The following TPX2 variants were observed in gnomAD, a reference collection of about 807,000 sequenced individuals.
The protein encoded by TPX2 is TPX2 microtubule nucleation factor, also known as targeting protein for Xklp2.
TPX2 carries 21 observed loss-of-function variants against 93.6 expected under a neutral mutation model. The ratio of observed to expected loss-of-function variants is 0.22; its 90% CI spans 0.16 to 0.32. TPX2 has a LOEUF of 0.32. TPX2 is among the 10% of genes least tolerant of loss of function. The pLI, the probability that TPX2 is intolerant of heterozygous loss-of-function variation, is 1.00. For missense variants in TPX2, 776 were observed against 871.1 expected, an observed-to-expected ratio of 0.89 and a Z score of 1.37; for synonymous variants, 281 against 298.3, an observed-to-expected ratio of 0.94 and a Z score of 0.60.
chr20:31,786,264 T>C (rs573674481), intron 12 of TPX2, among the ~76,000 whole-genome samples: 1 of 151,944 alleles, frequency 6.6e-6, no homozygotes, highest in Non-Finnish European at 1.5e-5. Flanking sequence ...GGGTCCATGC[T>C]GTTATATAAA....
chr20:31,758,669 G>A (rs561589578), intron 3 of TPX2, among the ~76,000 whole-genome samples: 1 of 152,268 alleles, frequency 6.6e-6, no homozygotes, highest in African/African-American at 2.4e-5. Context: ...TCCGTATAGT[G>A]CACTGTCCAA....
At chr20:31,769,523 A>T (rs1287347040) in intron 5 of TPX2, among the ~76,000 whole-genome samples, 1 of 151,708 alleles carries the variant, frequency 6.6e-6, no homozygotes, top group Admixed American at 6.6e-5. Context: ...ACGGGGTTTC[A>T]CCATGTTATC....
intron 10 of TPX2, among the ~76,000 whole-genome samples, chr20:31,780,297 C>A (rs2062025373): frequency 6.6e-6 from 1 of 152,242 alleles, no homozygotes; most frequent in East Asian, 1.9e-4. Context: ...AGTGATCCGC[C>A]CGCCTCAACC....
At chr20:31,755,162 A>T (rs2061843803) in intron 2 of TPX2, among the ~76,000 whole-genome samples, 1 of 151,972 alleles carries the variant, frequency 6.6e-6, no homozygotes, top group South Asian at 2.1e-4. Context: ...TTTAGCCATG[A>T]TGGTTTTGAT....
intron 6 of TPX2, among the ~76,000 whole-genome samples, chr20:31,770,687 T>A (rs528437293): frequency 6.6e-6 from 1 of 152,336 alleles, no homozygotes; most frequent in East Asian, 1.9e-4. Context: ...GGCACTCACA[T>A]CTTAGTTGGC....
At chr20:31,760,366 C>G (rs1354610999) in intron 4 of TPX2, among the ~76,000 whole-genome samples, 187 bp downstream of exon 4, 2 of 151,696 alleles carry the variant, frequency 1.3e-5, no homozygotes, top group Non-Finnish European at 2.9e-5. Context: ...TCTCTTGGAG[C>G]TTAAGCTAAC....
intron 4 of TPX2, among the ~76,000 whole-genome samples, chr20:31,763,399 C>T (rs935114924): frequency 1.1e-4 from 16 of 152,012 alleles, no homozygotes; most frequent in East Asian, 5.8e-4. Context: ...AGGCTGGTCT[C>T]GAACTCCTGA....
At chr20:31,796,187 A>G (rs1249471455) in intron 15 of TPX2, among the ~76,000 whole-genome samples, 1 of 152,192 alleles carries the variant, frequency 6.6e-6, no homozygotes, top group East Asian at 1.9e-4. Context: ...ATTTTCATGA[A>G]CCCATCACCT....
At chr20:31,800,935 A>C in intron 17 of TPX2, 35 bp from the exon 18 acceptor site, 1 of 1,503,088 alleles carries the variant, frequency 6.7e-7, no homozygotes, top group Non-Finnish European at 9.3e-7. Flanking sequence ...GTTCTCTGAC[A>C]TCCCTCTCAC....
At chr20:31,757,260 C>G (rs1444312357) in intron 2 of TPX2, 147 bp from the exon 3 acceptor site, 1 of 512,256 alleles carries the variant, frequency 2.0e-6, no homozygotes, top group Non-Finnish European at 3.5e-6. Flanking sequence ...TTTAAGTTAC[C>G]TGAAAAACTA....
chr20:31,750,182 A>T (rs2061810163), intron 2 of TPX2, among the ~76,000 whole-genome samples: 1 of 144,360 alleles, frequency 6.9e-6, no homozygotes, highest in South Asian at 2.2e-4. Context: ...TTTGAGACGG[A>T]GTTTCGCTCT....
At chr20:31,791,170 T>C (rs1339332717) in intron 12 of TPX2, among the ~76,000 whole-genome samples, 1 of 152,092 alleles carries the variant, frequency 6.6e-6, no homozygotes, top group Non-Finnish European at 1.5e-5. Context: ...TTAATGCTAC[T>C]ACTAAGGAGG....
At chr20:31,759,367 A>ACAGTTTT in intron 3 of TPX2, among the ~76,000 whole-genome samples, 1 of 147,538 alleles carries the variant, frequency 6.8e-6, no homozygotes, top group Non-Finnish European at 1.5e-5. Context: ...TGTAAGCCCT[A>ACAGTTTT]CAGTTTTTGA....
intron 7 of TPX2, 72 bp from the exon 8 acceptor site, chr20:31,775,795 C>A (rs2061992552): frequency 5.2e-6 from 7 of 1,355,496 alleles, no homozygotes; most frequent in Non-Finnish European, 6.7e-6. Context: ...TTATATAATG[C>A]CTGTAGATTC....
At chr20:31,778,045 G>A (rs1381970970) in intron 9 of TPX2, among the ~76,000 whole-genome samples, 1 of 152,124 alleles carries the variant, frequency 6.6e-6, no homozygotes, top group Admixed American at 6.6e-5. Context: ...AAAGTGCTGG[G>A]ATTACAAGTG....
chr20:31,760,314 T>C, intron 4 of TPX2, 135 bp downstream of exon 4: 1 of 1,176,438 alleles, frequency 8.5e-7, no homozygotes, highest in Non-Finnish European at 1.2e-6. Flanking sequence ...ATTCATTTCA[T>C]GATAAATGTA....
intron 16 of TPX2, among the ~76,000 whole-genome samples, chr20:31,797,752 T>C (rs923216702): frequency 2.6e-5 from 4 of 152,192 alleles, no homozygotes; most frequent in African/African-American, 9.7e-5. Context: ...CAGAAGCAGC[T>C]GGCATTTCAA....
chr20:31,798,649 A>G, intron 17 of TPX2, 97 bp downstream of exon 17: 4 of 1,390,808 alleles, frequency 2.9e-6, no homozygotes, highest in Non-Finnish European at 2.9e-6. Flanking sequence ...GGTAGCCCGC[A>G]AGGCTGTACC....
chr20:31,749,348 T>C (rs1003618943), intron 2 of TPX2, among the ~76,000 whole-genome samples: 57 of 152,208 alleles, frequency 3.7e-4, no homozygotes, highest in Admixed American at 3.5e-3. Flanking sequence ...TGCATGACTG[T>C]GAATAAGTAG....
Sources: gnomAD v4.1 joint callset for allele counts (sites outside exome capture counted in the v4.1 genomes callset) on GRCh38, gnomAD v4.1.1 for gene constraint, MANE v1.5 for transcripts, NCBI Gene and HGNC (gene_info 2026-07-23, HGNC 2026-07-21) for gene names.